The following SPEN variants were observed in gnomAD, a reference collection of about 807,000 sequenced individuals.
SPEN encodes the protein msx2-interacting protein.
Under a neutral mutation model 269.9 loss-of-function variants are expected in SPEN, and 18 were observed. The observed-to-expected ratio is 0.07, with a 90% CI of 0.05 to 0.10. SPEN has a LOEUF of 0.10. Ranked by LOEUF, SPEN falls within the 10% of genes least tolerant of loss-of-function variation. The pLI is 1.00. For missense variants in SPEN, 3,822 were observed against 4,631.2 expected, an observed-to-expected ratio of 0.83 and a Z score of 5.07; for synonymous variants, 1,726 against 1,765.7, an observed-to-expected ratio of 0.98 and a Z score of 0.56.
chr1:15,920,687 C>G (rs1319113710), intron 8 of SPEN, among the ~76,000 whole-genome samples, 183 bp from the exon 9 acceptor site: 2 of 151,904 alleles, frequency 1.3e-5, no homozygotes, highest in East Asian at 3.8e-4. Flanking sequence ...CTAAACAGTC[C>G]CTGCACATTT....
At chr1:15,899,765 C>T (rs1006058200) in intron 3 of SPEN, among the ~76,000 whole-genome samples, 1 of 151,824 alleles carries the variant, frequency 6.6e-6, no homozygotes, top group Non-Finnish European at 1.5e-5. Context: ...TCTTTGAAGT[C>T]TTTGACCAGT....
Position 15,939,203 on chromosome 1 carries a change from C to T in SPEN, c.10864-93C>T. The T allele has an allele frequency of 6.8e-7, 1 of 1,467,306 alleles. No individual in the cohort carries two copies. The highest frequency in any genetic ancestry group is 9.1e-7 in the Non-Finnish European group (1 of 1,103,348). The allele number at this position is 1,467,306 out of a possible 1,614,324, so 90.9% of individuals were successfully genotyped here. A position where few individuals can be genotyped will look rare whatever the true frequency, so the allele number is the denominator to read the frequency against. On this transcript the variant is annotated intron_variant, in intron 14 of 14. Coordinates refer to ENST00000375759, the MANE Select transcript of SPEN (RefSeq NM_015001.3). The surrounding 1 kb of genome is among the most constrained non-coding windows in gnomAD (Gnocchi z 4.1). ...GGTTGGGGACTGATTTGGCCTGGCTCTTAGCATTGGGCCTCTTCAGGGCTC... is the reference window on the plus strand; with the variant it reads ...GGTTGGGGACTGATTTGGCCTGGCTTTTAGCATTGGGCCTCTTCAGGGCTC...
chr1:15,913,629 C>G (rs2071031690), intron 5 of SPEN, among the ~76,000 whole-genome samples: 1 of 151,836 alleles, frequency 6.6e-6, no homozygotes, highest in Non-Finnish European at 1.5e-5. Context: ...TGACCAAGCT[C>G]ATGCCTGTAA....
intron 3 of SPEN, among the ~76,000 whole-genome samples, chr1:15,886,225 A>T (rs1045453984): frequency 6.6e-6 from 1 of 152,176 alleles, no homozygotes; most frequent in Non-Finnish European, 1.5e-5. Context: ...ATATTGCTGA[A>T]GTGGGAACCT....
chr1:15,887,218 C>T (rs529160311), intron 3 of SPEN, among the ~76,000 whole-genome samples: 102 of 151,302 alleles, frequency 6.7e-4, no homozygotes, highest in Middle Eastern at 3.4e-3. Context: ...TCAAGCTATC[C>T]GCTTGCCTTT....
chr1:15,872,623 G>A (rs1031940898), intron 1 of SPEN, among the ~76,000 whole-genome samples, 193 bp from the exon 2 acceptor site: 2 of 150,512 alleles, frequency 1.3e-5, no homozygotes, highest in Admixed American at 1.3e-4. Context: ...AAAGAAATGA[G>A]AGTAATGTAA....
intron 3 of SPEN, among the ~76,000 whole-genome samples, chr1:15,890,199 A>G (rs2070775346): frequency 6.6e-6 from 1 of 152,220 alleles, no homozygotes; most frequent in Non-Finnish European, 1.5e-5. Flanking sequence ...ATATGCTAAG[A>G]TGAGGGCAGT....
Position 15,934,344 on chromosome 1 carries a change from G to A in SPEN, c.8104G>A (p.Gly2702Arg). 2 of 1,613,594 alleles carry A rather than the reference G, an allele frequency of 1.2e-6. No individual in the cohort carries two copies. Among genetic ancestry groups the A allele is most frequent in the South Asian group, 1.1e-5 (1 of 91,074 alleles). ...VLKGPVNVLT[G>R]PVNVLTTPVN... Reference sequence around the variant, plus strand: ...GAAAGGGCCTGTGAATGTTCTTACGGGGCCAGTGAATGTTCTCACCACTCC... The same window carrying A: ...GAAAGGGCCTGTGAATGTTCTTACGAGGCCAGTGAATGTTCTCACCACTCC... The change falls in exon 11 of 15, where the codon GGG becomes AGG. Residue 2702 changes from glycine (G) to arginine (R), a missense_variant. By Grantham distance (125) the Gly-to-Arg change is moderately radical. This residue lies in a region of SPEN where 329 missense variants were observed against 431.2 expected (regional missense o/e 0.76). Transcript: ENST00000375759. The surrounding 1 kb of genome is among the most constrained non-coding windows in gnomAD (Gnocchi z 9.2).
At chr1:15,865,137 C>T (rs1445270464) in intron 1 of SPEN, among the ~76,000 whole-genome samples, 1 of 151,782 alleles carries the variant, frequency 6.6e-6, no homozygotes, top group Admixed American at 6.6e-5. Context: ...CCGCAACCTC[C>T]GCCTCCTGGG....
At position 15,930,527 on chromosome 1, in the gene SPEN, C is replaced by A. The variant is rs1386592717; in HGVS notation, c.4287C>A (p.Asn1429Lys). 19 of 1,614,140 alleles carry A rather than the reference C, an allele frequency of 1.2e-5. No homozygotes were observed. Among genetic ancestry groups the A allele is most frequent in the Non-Finnish European group, 1.4e-5 (17 of 1,180,024 alleles). The change falls in exon 11 of 15, where the codon AAC (asparagine) becomes AAA (lysine). Residue 1429 changes from asparagine (N) to lysine (K), a missense_variant. Transcript: ENST00000375759. The surrounding 1 kb of genome is among the most constrained non-coding windows in gnomAD (Gnocchi z 5.3). ...DERLSSSLER[N>K]KFYSFALDKT... ...GACTCTCTAGTTCTTTAGAAAGGAA[C>A]AAATTTTACTCTTTTGCATTGGATA...
At chr1:15,921,420 G>A (rs1250882244) in intron 9 of SPEN, among the ~76,000 whole-genome samples, 1 of 152,068 alleles carries the variant, frequency 6.6e-6, no homozygotes, top group African/African-American at 2.4e-5. Context: ...TGTATCATTA[G>A]TGTTTAAGGG....
chr1:15,891,200 T>C (rs1431967633), intron 3 of SPEN, among the ~76,000 whole-genome samples: 1 of 151,850 alleles, frequency 6.6e-6, no homozygotes, highest in African/African-American at 2.4e-5. Context: ...TGAAAAAAAT[T>C]TTTTTTTAGA....
At chr1:15,860,378 G>GGGGTGTGTGTGTGTGTGTGTGTGTGT (rs766193157) in intron 1 of SPEN, among the ~76,000 whole-genome samples, 1 of 121,162 alleles carries the variant, frequency 8.3e-6, no homozygotes, top group African/African-American at 3.2e-5. Flanking sequence ...TAGCTTCAGA[G>GGGGTGTGTGTGTGTGTGTGTGTGTGT]GTGTGTGTGT....
intron 10 of SPEN, among the ~76,000 whole-genome samples, chr1:15,923,701 G>C (rs991243167): frequency 1.0e-3 from 144 of 144,650 alleles, no homozygotes; most frequent in African/African-American, 3.4e-3. Context: ...ATGAAGTCTT[G>C]CTCTGTGGTC....
At chr1:15,857,944 A>G (rs1239982905) in intron 1 of SPEN, among the ~76,000 whole-genome samples, 1 of 152,118 alleles carries the variant, frequency 6.6e-6, no homozygotes, top group Admixed American at 6.5e-5. Context: ...CCTGGCCAAC[A>G]TAGTGAAATC....
chr1:15,873,864 A>G, intron 2 of SPEN: 1 of 1,081,400 alleles, frequency 9.2e-7, no homozygotes, highest in Non-Finnish European at 1.1e-6. Flanking sequence ...CTTGCTGTCA[A>G]GATTCCACTA....
At chr1:15,915,772 C>T (rs2071061644) in intron 5 of SPEN, among the ~76,000 whole-genome samples, 1 of 152,068 alleles carries the variant, frequency 6.6e-6, no homozygotes, top group African/African-American at 2.4e-5. Context: ...CTCTGGGGCT[C>T]CAGCGATCCT....
At chr1:15,858,758 A>G (rs1204882609) in intron 1 of SPEN, among the ~76,000 whole-genome samples, 2 of 152,044 alleles carry the variant, frequency 1.3e-5, no homozygotes, top group Non-Finnish European at 2.9e-5. Context: ...AACATGGTAA[A>G]ACCCAGGCTG....
chr1:15,914,493 T>C (rs1164994675), intron 5 of SPEN, among the ~76,000 whole-genome samples: 1 of 152,208 alleles, frequency 6.6e-6, no homozygotes. Flanking sequence ...AGAGAAAGGC[T>C]ATGATAAATT....
Sources: gnomAD v4.1 joint callset for allele counts (sites outside exome capture counted in the v4.1 genomes callset) on GRCh38, gnomAD v4.1.1 for gene constraint, gnomAD v4.1.1 regional missense constraint, Gnocchi (gnomAD v3.1) non-coding constraint, MANE v1.5 for transcripts, NCBI Gene and HGNC (gene_info 2026-07-23, HGNC 2026-07-21) for gene names.